Variants in CAMKMT observed in about 807,000 individuals in gnomAD.
CAMKMT encodes the protein calmodulin-lysine N-methyltransferase.
CAMKMT carries 53 observed loss-of-function variants against 48.0 expected under a neutral mutation model. That is an observed-to-expected ratio of 1.10 (90% confidence interval 0.89 to 1.39). The LOEUF is 1.39. CAMKMT is among the 40% of genes most tolerant of loss of function. CAMKMT has a pLI of 0.00. For synonymous variants in CAMKMT, 165 were observed against 152.3 expected (o/e 1.08, Z -0.61); for missense variants, 428 against 402.7 (o/e 1.06, Z -0.54).
intron 3 of CAMKMT, among the ~76,000 whole-genome samples, chr2:44,399,637 G>A (rs1408633788): frequency 6.7e-6 from 1 of 150,326 alleles, no homozygotes; most frequent in Non-Finnish European, 1.5e-5. Context: ...AAAAAAAAAA[G>A]CTAAGAAAAA....
intron 3 of CAMKMT, among the ~76,000 whole-genome samples, chr2:44,454,419 A>G (rs1667453285): frequency 6.6e-6 from 1 of 152,234 alleles, no homozygotes; most frequent in South Asian, 2.1e-4. Flanking sequence ...TACCAGTAAA[A>G]TAAACTAAAT....
intron 3 of CAMKMT, among the ~76,000 whole-genome samples, chr2:44,413,869 C>G (rs1683378402): frequency 6.6e-6 from 1 of 152,182 alleles, no homozygotes; most frequent in African/African-American, 2.4e-5. Context: ...AATATCTGGT[C>G]ATGAGTTGCA....
At chr2:44,610,939 G>T (rs774548727) in intron 3 of CAMKMT, among the ~76,000 whole-genome samples, 1 of 152,118 alleles carries the variant, frequency 6.6e-6, no homozygotes, top group Non-Finnish European at 1.5e-5. Context: ...TAAAGCTATA[G>T]ACATTTAACA....
chr2:44,731,997 G>A (rs1679101073), intron 7 of CAMKMT, among the ~76,000 whole-genome samples: 1 of 152,304 alleles, frequency 6.6e-6, no homozygotes, highest in South Asian at 2.1e-4. Flanking sequence ...TGTCATCCAG[G>A]CTGGAGTACA....
chr2:44,524,943 C>G (rs1230667618), intron 3 of CAMKMT, among the ~76,000 whole-genome samples: 5 of 148,412 alleles, frequency 3.4e-5, no homozygotes, highest in African/African-American at 1.2e-4. Context: ...GTTTAAGAGC[C>G]TCTCCATAAG....
At chr2:44,560,183 A>T (rs1041022700) in intron 3 of CAMKMT, among the ~76,000 whole-genome samples, 2 of 152,294 alleles carry the variant, frequency 1.3e-5, no homozygotes, top group Middle Eastern at 6.8e-3. Flanking sequence ...CCATCAACTG[A>T]CTTGGCCAGT....
At chr2:44,600,555 A>G (rs1354972012) in intron 3 of CAMKMT, among the ~76,000 whole-genome samples, 3 of 152,108 alleles carry the variant, frequency 2.0e-5, no homozygotes, top group Non-Finnish European at 4.4e-5. Flanking sequence ...GATGTAAGCC[A>G]TGGTGCCTGG....
chr2:44,538,766 A>G (rs1666921058), intron 3 of CAMKMT, among the ~76,000 whole-genome samples: 1 of 127,734 alleles, frequency 7.8e-6, no homozygotes, highest in African/African-American at 2.9e-5. Context: ...CCCCAAAGCT[A>G]TTCAAATAAT....
chr2:44,396,741 T>TAAAA (rs35453105), intron 3 of CAMKMT, among the ~76,000 whole-genome samples: 1 of 132,346 alleles, frequency 7.6e-6, no homozygotes. Flanking sequence ...ATTACCTTTC[T>TAAAA]AAAAAAAAAA....
chr2:44,394,603 T>C (rs1296131444), intron 3 of CAMKMT, among the ~76,000 whole-genome samples: 1 of 152,132 alleles, frequency 6.6e-6, no homozygotes, highest in Non-Finnish European at 1.5e-5. Flanking sequence ...AATTTTTGTC[T>C]TTTTAGTAGA....
At chr2:44,688,510 A>G (rs1573081043) in intron 3 of CAMKMT, among the ~76,000 whole-genome samples, 1 of 151,936 alleles carries the variant, frequency 6.6e-6, no homozygotes, top group Middle Eastern at 3.4e-3. Flanking sequence ...ATATATACAT[A>G]TATATATATT....
chr2:44,374,485 C>T (rs1164838352), intron 2 of CAMKMT, among the ~76,000 whole-genome samples: 1 of 152,172 alleles, frequency 6.6e-6, no homozygotes, highest in African/African-American at 2.4e-5. Context: ...TTATCTTCTG[C>T]ATCCACTGGT....
chr2:44,564,724 G>C (rs1668517573), intron 3 of CAMKMT, among the ~76,000 whole-genome samples: 1 of 152,130 alleles, frequency 6.6e-6, no homozygotes, highest in Non-Finnish European at 1.5e-5. Context: ...ATTTTTAATA[G>C]AGATGGGGTT....
intron 3 of CAMKMT, among the ~76,000 whole-genome samples, chr2:44,591,403 AT>A (rs1670262128): frequency 6.6e-6 from 1 of 151,968 alleles, no homozygotes; most frequent in South Asian, 2.1e-4. Context: ...ATGTTCTTCC[AT>A]TTGTTTGTAT....
intron 2 of CAMKMT, among the ~76,000 whole-genome samples, chr2:44,383,297 T>A (rs1473784656): frequency 6.6e-6 from 1 of 152,082 alleles, no homozygotes; most frequent in South Asian, 2.1e-4. Context: ...CCCGAGAGGC[T>A]GGGACTACAG....
chr2:44,378,840 CT>C (rs1279293586), intron 2 of CAMKMT, among the ~76,000 whole-genome samples: 7 of 152,118 alleles, frequency 4.6e-5, no homozygotes, highest in Admixed American at 4.6e-4. Flanking sequence ...CTTTGTTCTT[CT>C]GCAGCCTTTT....
intron 3 of CAMKMT, among the ~76,000 whole-genome samples, chr2:44,407,004 G>A (rs1186958101): frequency 6.6e-6 from 1 of 152,186 alleles, no homozygotes; most frequent in Non-Finnish European, 1.5e-5. Flanking sequence ...GACATCGTGT[G>A]TAAAAGGACA....
At chr2:44,704,742 A>G (rs775449053) in intron 4 of CAMKMT, among the ~76,000 whole-genome samples, 24 of 151,850 alleles carry the variant, frequency 1.6e-4, no homozygotes, top group Non-Finnish European at 3.2e-4. Context: ...GGAAGTCACT[A>G]CAGAATGTCT....
chr2:44,407,191 G>A (rs146999210), intron 3 of CAMKMT, among the ~76,000 whole-genome samples: 149 of 152,282 alleles, frequency 9.8e-4, no homozygotes, highest in Non-Finnish European at 1.7e-3. Context: ...TTAGTTTAGA[G>A]CCTGGGGTCT....
Sources: allele counts gnomAD v4.1 joint callset (sites outside exome capture counted in the v4.1 genomes callset), GRCh38; gene constraint gnomAD v4.1.1; transcripts MANE v1.5; gene names NCBI Gene and HGNC (gene_info 2026-07-23, HGNC 2026-07-21).